The following ASCC3 variants were observed in gnomAD, a reference collection of about 807,000 sequenced individuals.
ASCC3 encodes the protein activating signal cointegrator 1 complex subunit 3.
Under a neutral mutation model 256.3 loss-of-function variants are expected in ASCC3, and 158 were observed. The ratio of observed to expected loss-of-function variants is 0.62; its 90% confidence interval spans 0.54 to 0.70. ASCC3 has a LOEUF of 0.70. ASCC3 is among the 30% of genes least tolerant of loss of function. The pLI, the probability that ASCC3 is intolerant of heterozygous loss-of-function variation, is 0.00. For synonymous variants in ASCC3, 948 were observed against 883.4 expected (o/e 1.07, Z -1.30); for missense variants, 2,259 against 2,626.0 (o/e 0.86, Z 3.05).
intron 8 of ASCC3, among the ~76,000 whole-genome samples, chr6:100,790,245 T>C (rs1336014053): frequency 2.6e-5 from 4 of 151,964 alleles, no homozygotes; most frequent in African/African-American, 9.7e-5. Context: ...AAAAGGAAAC[T>C]GAAACTCAGA....
intron 37 of ASCC3, chr6:100,531,036 A>G (rs1774846231): frequency 1.3e-6 from 2 of 1,587,632 alleles, no homozygotes; most frequent in South Asian, 1.1e-5. Flanking sequence ...GCTGGGACAA[A>G]AAGTACAACA....
intron 3 of ASCC3, chr6:100,858,709 A>G: frequency 2.3e-5 from 23 of 1,015,924 alleles, no homozygotes; most frequent in Non-Finnish European, 2.6e-5. Context: ...TTTAATCTTC[A>G]TGAGATACCA....
intron 36 of ASCC3, among the ~76,000 whole-genome samples, chr6:100,545,931 A>G (rs1775700184): frequency 6.6e-6 from 1 of 152,134 alleles, no homozygotes; most frequent in Non-Finnish European, 1.5e-5. Context: ...AGCCAGTACA[A>G]TCAGGCAACA....
intron 10 of ASCC3, among the ~76,000 whole-genome samples, chr6:100,740,072 AC>A (rs770272507): frequency 8.5e-5 from 13 of 152,128 alleles, no homozygotes; most frequent in Non-Finnish European, 1.9e-4. Flanking sequence ...AGCATTTAGT[AC>A]TATAAATTTC....
At chr6:100,586,604 C>G (rs900855289) in intron 36 of ASCC3, among the ~76,000 whole-genome samples, 1 of 152,202 alleles carries the variant, frequency 6.6e-6, no homozygotes, top group African/African-American at 2.4e-5. Context: ...CCTGCACCCA[C>G]TGTCTGGCAC....
intron 25 of ASCC3, among the ~76,000 whole-genome samples, chr6:100,637,809 T>G (rs758744933): frequency 6.2e-4 from 94 of 152,308 alleles, no homozygotes; most frequent in Non-Finnish European, 1.2e-3. Flanking sequence ...AGCCTGATGA[T>G]ATAACTGAAT....
chr6:100,839,621 G>T (rs1340973188), intron 4 of ASCC3, among the ~76,000 whole-genome samples: 1 of 152,090 alleles, frequency 6.6e-6, no homozygotes, highest in Non-Finnish European at 1.5e-5. Flanking sequence ...GATTCAGCAT[G>T]TTCTTCTAAA....
At chr6:100,519,955 A>G (rs1164947447) in intron 37 of ASCC3, among the ~76,000 whole-genome samples, 2 of 152,112 alleles carry the variant, frequency 1.3e-5, no homozygotes, top group Non-Finnish European at 2.9e-5. Flanking sequence ...ATTTAGAGAA[A>G]AGGCAAGTGG....
At chr6:100,784,084 T>C (rs1174336653) in intron 8 of ASCC3, among the ~76,000 whole-genome samples, 1 of 152,176 alleles carries the variant, frequency 6.6e-6, no homozygotes, top group East Asian at 1.9e-4. Flanking sequence ...TAAAGGCTTG[T>C]AAAACTTATT....
At chr6:100,512,249 T>C (rs1029298606) in intron 40 of ASCC3, among the ~76,000 whole-genome samples, 1 of 152,228 alleles carries the variant, frequency 6.6e-6, no homozygotes, top group Non-Finnish European at 1.5e-5. Context: ...CAGTCTCATC[T>C]ACATCTAGCC....
At chr6:100,778,676 TAAAC>T (rs961378804) in intron 8 of ASCC3, among the ~76,000 whole-genome samples, 2 of 152,060 alleles carry the variant, frequency 1.3e-5, no homozygotes, top group African/African-American at 2.4e-5. Context: ...CATAACTTAA[TAAAC>T]AAATTTTATT....
Position 100,625,297 on chromosome 6 carries a change from T to C in ASCC3, c.4680A>G (p.Ile1560Met). 1 of 1,612,888 alleles carries C rather than the reference T, an allele frequency of 6.2e-7. No homozygotes were observed. The highest frequency in any genetic ancestry group is 8.5e-7 in the Non-Finnish European group (1 of 1,179,188). ...RSHSPAKPVL[I>M]FVSSRRQTRL... Reference sequence around the variant, plus strand: ...GAGTTTGACGTCTTGATGAGACAAATATCAAAACAGGTTTGGCTGGAGAAT... The same window carrying C: ...GAGTTTGACGTCTTGATGAGACAAACATCAAAACAGGTTTGGCTGGAGAAT... Residue 1560 changes from isoleucine to methionine, a missense_variant, in exon 30 of 42, where the codon ATA becomes ATG. Physicochemically the swap from Ile to Met is conservative, Grantham distance 10 (BLOSUM62 1). Around this residue, in one of 2 missense-constraint regions of ASCC3, gnomAD observed 1,839 missense variants for 2,206.7 expected, o/e 0.83. Transcript: ENST00000369162.
intron 11 of ASCC3, among the ~76,000 whole-genome samples, chr6:100,724,051 C>A (rs1582761334): frequency 6.9e-6 from 1 of 144,056 alleles, no homozygotes; most frequent in Middle Eastern, 3.8e-3. Flanking sequence ...GAGAAGATGG[C>A]AAGTGACGGA....
intron 8 of ASCC3, among the ~76,000 whole-genome samples, chr6:100,771,932 T>G (rs1393329237): frequency 1.4e-5 from 2 of 139,974 alleles, no homozygotes; most frequent in East Asian, 4.5e-4. Context: ...CAGGCTGAGT[T>G]GCAGAGGCAT....
chr6:100,778,032 G>A (rs1782268769), intron 8 of ASCC3, among the ~76,000 whole-genome samples: 2 of 151,692 alleles, frequency 1.3e-5, no homozygotes, highest in African/African-American at 4.8e-5. Context: ...ATGGAGAGAA[G>A]TAGCAGAACC....
At chr6:100,546,776 C>T (rs1015294796) in intron 36 of ASCC3, among the ~76,000 whole-genome samples, 1 of 152,084 alleles carries the variant, frequency 6.6e-6, no homozygotes, top group Admixed American at 6.6e-5. Flanking sequence ...TATGTCTCCA[C>T]ATTTATATTA....
intron 14 of ASCC3, among the ~76,000 whole-genome samples, chr6:100,665,295 T>C (rs902647681): frequency 1.3e-5 from 2 of 152,176 alleles, no homozygotes; most frequent in African/African-American, 4.8e-5. Context: ...TATTCTTGCA[T>C]ACTCTGTGCA....
At chr6:100,607,146 T>C (rs1772936499) in intron 30 of ASCC3, 58 bp from the exon 31 acceptor site, 4 of 1,550,198 alleles carry the variant, frequency 2.6e-6, no homozygotes, top group Middle Eastern at 1.7e-4. Flanking sequence ...TTTTCATTAA[T>C]TTTTCATGTT....
intron 34 of ASCC3, among the ~76,000 whole-genome samples, chr6:100,599,612 A>G (rs1232097631): frequency 6.6e-6 from 1 of 151,956 alleles, no homozygotes; most frequent in African/African-American, 2.4e-5. Flanking sequence ...AAGGGTATAC[A>G]GTGCTGCTTT....
Sources: gnomAD v4.1 joint callset for allele counts (sites outside exome capture counted in the v4.1 genomes callset) on GRCh38, gnomAD v4.1.1 for gene constraint, gnomAD v4.1.1 regional missense constraint, MANE v1.5 for transcripts, NCBI Gene and HGNC (gene_info 2026-07-23, HGNC 2026-07-21) for gene names.